CSMD1: variants seen among roughly 807,000 people sequenced by gnomAD.
CSMD1 encodes CUB and sushi domain-containing protein 1.
In CSMD1, 213 loss-of-function variants were observed where a neutral mutation model predicts 417.5. The ratio of observed to expected loss-of-function variants is 0.51; its 90% confidence interval spans 0.46 to 0.57. CSMD1 has a LOEUF of 0.57. Among genes scored for constraint, CSMD1 ranks in the 20% least tolerant of loss-of-function variants. The pLI is 0.00. For synonymous variants in CSMD1, 2,862 were observed against 1,736.8 expected, an observed-to-expected ratio of 1.65 and a Z score of -16.11; for missense variants, 6,923 against 4,529.7, an observed-to-expected ratio of 1.53 and a Z score of -15.17.
At chr8:3,297,960 A>T (rs576811325) in intron 25 of CSMD1, among the ~76,000 whole-genome samples, 1 of 152,230 alleles carries the variant, frequency 6.6e-6, no homozygotes, top group Non-Finnish European at 1.5e-5. Flanking sequence ...AATTAGTAAA[A>T]GAGGATATTC....
intron 26 of CSMD1, among the ~76,000 whole-genome samples, chr8:3,252,626 A>G (rs1312766745): frequency 6.6e-6 from 1 of 152,178 alleles, no homozygotes. Flanking sequence ...GAATAGTTTC[A>G]GAAGGAATGG....
At chr8:3,900,884 G>T (rs1807702871) in intron 5 of CSMD1, among the ~76,000 whole-genome samples, 1 of 152,204 alleles carries the variant, frequency 6.6e-6, no homozygotes, top group East Asian at 1.9e-4. Flanking sequence ...GCCGTGCTCA[G>T]GCGTTTGCTT....
intron 7 of CSMD1, among the ~76,000 whole-genome samples, chr8:3,635,462 C>A (rs1796990102): frequency 6.7e-6 from 1 of 148,182 alleles, no homozygotes; most frequent in Admixed American, 6.7e-5. Flanking sequence ...CCAGCCTGGG[C>A]AATGGAGCAA....
intron 1 of CSMD1, among the ~76,000 whole-genome samples, chr8:4,692,147 T>A (rs992323489): frequency 6.6e-6 from 1 of 152,076 alleles, no homozygotes; most frequent in Non-Finnish European, 1.5e-5. Context: ...GCTGAAAACC[T>A]GCCCCCTGTC....
chr8:4,583,249 G>C (rs1027143917), intron 2 of CSMD1, among the ~76,000 whole-genome samples: 1 of 152,196 alleles, frequency 6.6e-6, no homozygotes, highest in Admixed American at 6.5e-5. Flanking sequence ...AGCTCCACCT[G>C]CAGCCGTGGT....
In CSMD1 at chr8:3,284,133, G is replaced by T. The variant is rs1382122153; in HGVS notation, c.4153+11C>A. On this transcript the variant is annotated intron_variant, in intron 26 of 69. Transcript: ENST00000635120. ...TATCAAGGTAAAGAAGAAGCACGCT[G>T]TGCCACCTACTGGAGAACTGGATGG... is the stretch of plus-strand genomic sequence containing the variant. The T allele has an allele frequency of 1.1e-5, 17 of 1,551,978 alleles. No individual in the cohort carries two copies. Among genetic ancestry groups the T allele is most frequent in the Non-Finnish European group, 1.4e-5 (16 of 1,146,196 alleles).
At chr8:4,455,740 G>A (rs1156465090) in intron 2 of CSMD1, among the ~76,000 whole-genome samples, 1 of 151,492 alleles carries the variant, frequency 6.6e-6, no homozygotes, top group Non-Finnish European at 1.5e-5. Flanking sequence ...AGACCAGCCT[G>A]GCCAACATGG....
intron 7 of CSMD1, among the ~76,000 whole-genome samples, chr8:3,646,960 T>C (rs1475153477): frequency 6.6e-6 from 1 of 152,168 alleles, no homozygotes; most frequent in East Asian, 1.9e-4. Context: ...CATCATCCTC[T>C]CTATAACTAT....
At chr8:3,944,845 G>A (rs908073739) in intron 5 of CSMD1, among the ~76,000 whole-genome samples, 7 of 152,144 alleles carry the variant, frequency 4.6e-5, no homozygotes, top group African/African-American at 1.4e-4. Context: ...CTAGTTCTAT[G>A]AGTTGGCCAC....
chr8:4,014,105 G>A (rs1229784480), intron 4 of CSMD1, among the ~76,000 whole-genome samples: 1 of 152,072 alleles, frequency 6.6e-6, no homozygotes, highest in Non-Finnish European at 1.5e-5. Context: ...CTCAAACTCA[G>A]CAAATTAAAA....
At chr8:3,340,377 A>T (rs866719361) in intron 23 of CSMD1, among the ~76,000 whole-genome samples, 2 of 152,200 alleles carry the variant, frequency 1.3e-5, no homozygotes, top group South Asian at 2.1e-4. Context: ...CCATTTCTAA[A>T]AATGTTAGGG....
At chr8:3,656,780 G>A (rs577630109) in intron 7 of CSMD1, among the ~76,000 whole-genome samples, 1 of 152,164 alleles carries the variant, frequency 6.6e-6, no homozygotes, top group Non-Finnish European at 1.5e-5. Context: ...CCAAAAATTA[G>A]GCAGATGTGG....
rs34352352 is a variant in CSMD1 at position 4,013,417 on chromosome 8, G to A, written c.611-15307C>T. Reference sequence around the variant, plus strand: ...AGGGCTCACTCTGTCCCGTTCATTAGAGGTCCAAATATTCCGGTTTTCTAC... The same window carrying A: ...AGGGCTCACTCTGTCCCGTTCATTAAAGGTCCAAATATTCCGGTTTTCTAC... On this transcript the variant is annotated intron_variant, in intron 4 of 69. Coordinates refer to ENST00000635120, the MANE Select transcript of CSMD1 (RefSeq NM_033225.6). Among the ~76,000 whole-genome samples the A allele has an allele frequency of 1.6e-4, 24 of 152,078 alleles. No individual in the cohort carries two copies. The East Asian group carries it at 1.9e-3, about 12-fold the overall frequency.
At chr8:3,472,698 G>T (rs140491894) in intron 11 of CSMD1, among the ~76,000 whole-genome samples, 2 of 151,774 alleles carry the variant, frequency 1.3e-5, no homozygotes, top group East Asian at 3.9e-4. Flanking sequence ...GCCCTAAGTC[G>T]TCATCATTTT....
At chr8:4,484,973 T>G (rs1801294771) in intron 2 of CSMD1, among the ~76,000 whole-genome samples, 1 of 87,766 alleles carries the variant, frequency 1.1e-5, no homozygotes, top group African/African-American at 4.7e-5. Flanking sequence ...AGAGTGAGAC[T>G]CTGCCTCAAA....
intron 3 of CSMD1, among the ~76,000 whole-genome samples, chr8:4,071,183 T>A (rs1799536914): frequency 6.6e-6 from 1 of 152,066 alleles, no homozygotes; most frequent in South Asian, 2.1e-4. Context: ...AGTTTCTCCC[T>A]TATTCTCCCT....
intron 7 of CSMD1, chr8:3,704,860 G>C (rs1396061163): frequency 6.6e-6 from 1 of 152,406 alleles, no homozygotes; most frequent in East Asian, 1.9e-4. Flanking sequence ...CTGATGCCCT[G>C]ACAGTGAGCA....
intron 2 of CSMD1, among the ~76,000 whole-genome samples, chr8:4,458,793 A>ACT (rs1563198141): frequency 2.0e-5 from 3 of 151,828 alleles, no homozygotes; most frequent in African/African-American, 7.3e-5. Context: ...AGGAATATTT[A>ACT]ATTTTTTTTA....
intron 3 of CSMD1, among the ~76,000 whole-genome samples, chr8:4,390,878 A>T (rs753453131): frequency 6.6e-6 from 1 of 152,126 alleles, no homozygotes; most frequent in Non-Finnish European, 1.5e-5. Flanking sequence ...CACATGTTTC[A>T]TATGTTGTCC....
Sources: allele counts gnomAD v4.1 joint callset (sites outside exome capture counted in the v4.1 genomes callset), GRCh38; gene constraint gnomAD v4.1.1; transcripts MANE v1.5; gene names NCBI Gene and HGNC (gene_info 2026-07-23, HGNC 2026-07-21).